ANO3: variants seen among roughly 807,000 people sequenced by gnomAD.
ANO3 encodes anoctamin 3.
In ANO3, 99 loss-of-function variants were observed where a neutral mutation model predicts 144.8. The observed-to-expected ratio is 0.68, with a 90% CI of 0.58 to 0.81. The LOEUF (loss-of-function observed/expected upper bound fraction) is 0.81, where lower values mean the gene tolerates loss of function less well. Ranked by LOEUF, ANO3 falls within the 30% of genes least tolerant of loss-of-function variation. ANO3 has a pLI of 0.00. For missense variants in ANO3, 905 were observed against 1,202.2 expected (o/e 0.75, Z 3.66); for synonymous variants, 414 against 392.6 (o/e 1.05, Z -0.64).
At chr11:26,201,900 T>C (rs867658066) in intron 1 of ANO3, among the ~76,000 whole-genome samples, 1 of 151,684 alleles carries the variant, frequency 6.6e-6, no homozygotes, top group Non-Finnish European at 1.5e-5. Flanking sequence ...TCTGAACATA[T>C]AGCTATCAAA....
chr11:26,330,395 A>G (rs549482042), upstream of ANO3, among the ~76,000 whole-genome samples: 1 of 152,282 alleles, frequency 6.6e-6, no homozygotes, highest in African/African-American at 2.4e-5. Context: ...TTAGATCTTC[A>G]TTTGGAGGTG....
intron 17 of ANO3, among the ~76,000 whole-genome samples, chr11:26,623,482 C>T (rs1259908537): frequency 3.9e-5 from 6 of 151,982 alleles, no homozygotes; most frequent in Non-Finnish European, 2.9e-5. Flanking sequence ...AAATGTATGC[C>T]CTTTTCTTGA....
At chr11:26,486,925 T>C (rs1452573201) in intron 4 of ANO3, among the ~76,000 whole-genome samples, 3 of 152,140 alleles carry the variant, frequency 2.0e-5, no homozygotes. Context: ...GTTTGTTGAG[T>C]ACTATTTTTA....
intron 14 of ANO3, chr11:26,566,907 C>A: frequency 1.7e-6 from 1 of 601,320 alleles, no homozygotes; most frequent in Non-Finnish European, 2.5e-6. Flanking sequence ...AATGGGCTGA[C>A]TTAGGTAGCA....
exon 1 of ANO3, chr11:26,188,993 C>T (rs938421087): frequency 6.3e-6 from 1 of 159,220 alleles, no homozygotes; most frequent in African/African-American, 2.4e-5. Context: ...AAGGCATTAA[C>T]ACAGAAAACC....
rs532384753 is a variant in ANO3, at chr11:26,584,215, A to G, written c.1448-14150A>G. On this transcript the variant is annotated intron_variant, in intron 14 of 26. Transcript: ENST00000256737. ...CACTCTATCGCCAGGCTGGAGTGCA[A>G]TGGCATGATCTCGGCTCACTGCAAC... Among the ~76,000 whole-genome samples, 28 of 152,076 alleles carry G rather than the reference A, an allele frequency of 1.8e-4. No homozygotes were observed. In the South Asian group the frequency reaches 3.5e-3, roughly 19 times the overall value.
At chr11:26,328,045 T>C (rs1401137355), upstream of ANO3, among the ~76,000 whole-genome samples, 2 of 152,220 alleles carry the variant, frequency 1.3e-5, no homozygotes, top group East Asian at 3.9e-4. Context: ...TCCAAGCACT[T>C]GAGAATTAAT....
intron 1 of ANO3, among the ~76,000 whole-genome samples, chr11:26,204,612 T>C (rs1851761904): frequency 6.6e-6 from 1 of 152,140 alleles, no homozygotes; most frequent in South Asian, 2.1e-4. Context: ...ATCCTCCTCC[T>C]TGCAGTCACA....
At chr11:26,319,734 CTT>C (rs910897371) in intron 1 of ANO3, among the ~76,000 whole-genome samples, 2 of 152,116 alleles carry the variant, frequency 1.3e-5, no homozygotes, top group African/African-American at 4.8e-5. Context: ...GTTATTTTAA[CTT>C]ATATTTCTAT....
At chr11:26,274,151 G>A (rs970394133) in intron 1 of ANO3, among the ~76,000 whole-genome samples, 9 of 152,090 alleles carry the variant, frequency 5.9e-5, no homozygotes, top group African/African-American at 1.9e-4. Flanking sequence ...CAAACTTGAC[G>A]TCAACAGATC....
chr11:26,453,141 A>G (rs1428460106), intron 3 of ANO3, among the ~76,000 whole-genome samples: 1 of 152,234 alleles, frequency 6.6e-6, no homozygotes, highest in Non-Finnish European at 1.5e-5. Context: ...AAATGTAAAG[A>G]CCATTGAGAC....
intron 1 of ANO3, among the ~76,000 whole-genome samples, chr11:26,383,144 C>CCT (rs2133952333): frequency 6.6e-6 from 1 of 152,116 alleles, no homozygotes; most frequent in Admixed American, 6.5e-5. Flanking sequence ...TTTTAGTGAT[C>CCT]AAATGAGGTA....
chr11:26,455,540 G>A lies in ANO3; in HGVS notation c.314-7490G>A, dbSNP rs529156011. On this transcript the variant is annotated intron_variant, in intron 3 of 26. Transcript: ENST00000256737. Reference sequence around the variant, plus strand: ...GGGACGTGAAGTACATCTTCAAGGAGAACTACAAACCACTGCTCAATGAAA... The same window carrying A: ...GGGACGTGAAGTACATCTTCAAGGAAAACTACAAACCACTGCTCAATGAAA... Among the ~76,000 whole-genome samples, 3 of 152,232 alleles carry A rather than the reference G, an allele frequency of 2.0e-5. No individual in the cohort carries two copies. In the East Asian group the frequency reaches 5.8e-4, roughly 29 times the overall value.
Position 26,366,858 on chromosome 11 carries a change from T to A in ANO3, c.46+34537T>A, listed in dbSNP as rs200141532. 3.3e-5 allele frequency among the ~76,000 whole-genome samples: 5 copies of A among 151,720 alleles called. No homozygotes were observed. The South Asian group carries it at 8.4e-4, about 25-fold the overall frequency. On this transcript the variant is annotated intron_variant, in intron 1 of 26. Coordinates refer to ENST00000256737, the MANE Select transcript of ANO3 (RefSeq NM_031418.4). The stretch of plus-strand genomic sequence containing the variant: ...TTTTCTTGTAAATTTGTTTGAGTTC[T>A]TTGTAGATTCTGGATATTAGCCCTT...
chr11:26,201,379 A>T (rs982180592), intron 1 of ANO3, among the ~76,000 whole-genome samples: 1 of 152,134 alleles, frequency 6.6e-6, no homozygotes, highest in Admixed American at 6.6e-5. Context: ...AATTCATTTT[A>T]TCATACCTAT....
At chr11:26,429,172 G>A (rs1858005906) in intron 1 of ANO3, among the ~76,000 whole-genome samples, 1 of 152,136 alleles carries the variant, frequency 6.6e-6, no homozygotes, top group Admixed American at 6.5e-5. Flanking sequence ...GGGGGTAGGG[G>A]TGCTACTGCT....
chr11:26,367,053 TA>T (rs1298904925), intron 1 of ANO3, among the ~76,000 whole-genome samples: 1 of 152,196 alleles, frequency 6.6e-6, no homozygotes, highest in African/African-American at 2.4e-5. Context: ...TGGCTAGCCA[TA>T]TGTAGAAAGC....
chr11:26,462,608 C>G (rs1859448923), intron 3 of ANO3, among the ~76,000 whole-genome samples: 1 of 151,674 alleles, frequency 6.6e-6, no homozygotes, highest in South Asian at 2.1e-4. Flanking sequence ...TCAAATTTTT[C>G]CAGCTTTTAA....
chr11:26,486,384 G>C (rs985979452), intron 4 of ANO3, among the ~76,000 whole-genome samples: 7 of 142,966 alleles, frequency 4.9e-5, no homozygotes, highest in African/African-American at 1.5e-4. Context: ...AAAAAAGGAA[G>C]TCAAAATACC....
Sources: gnomAD v4.1 joint callset for allele counts (sites outside exome capture counted in the v4.1 genomes callset) on GRCh38, gnomAD v4.1.1 for gene constraint, MANE v1.5 for transcripts, NCBI Gene and HGNC (gene_info 2026-07-23, HGNC 2026-07-21) for gene names.